LONRF3: variants seen among roughly 807,000 people sequenced by gnomAD.
The protein encoded by LONRF3 is LON peptidase N-terminal domain and ring finger 3, also known as LON peptidase N-terminal domain and RING finger protein 3.
A neutral mutation model predicts 51.7 loss-of-function variants in LONRF3; 19 were observed. That is an observed-to-expected ratio of 0.37 (90% CI 0.26 to 0.54). LONRF3 has a LOEUF of 0.54. Ranked by LOEUF, LONRF3 falls within the 20% of genes least tolerant of loss-of-function variation. The probability of loss-of-function intolerance (pLI) is 0.86; values close to 1 mark genes in which losing one functional copy is unlikely to be tolerated. For synonymous variants in LONRF3, 265 were observed against 257.8 expected, an observed-to-expected ratio of 1.03 and a Z score of -0.27; for missense variants, 521 against 623.9, an observed-to-expected ratio of 0.84 and a Z score of 1.76.
At chrX:118,983,036 C>A in intron 3 of LONRF3, 93 bp downstream of exon 3, 1 of 1,007,131 alleles carries the variant, frequency 9.9e-7, no homozygotes, top group Non-Finnish European at 1.4e-6. Context: ...TCCTCCTTGG[C>A]ATTTGGGGTC....
intron 2 of LONRF3, among the ~76,000 whole-genome samples, chrX:118,978,869 G>A (rs1361330696): frequency 9.0e-6 from 1 of 111,461 alleles, no homozygotes; most frequent in African/African-American, 3.3e-5. Flanking sequence ...GCTGTTGTGA[G>A]GATTACATAA....
In LONRF3 at chrX:118,974,754, C is replaced by CT. The variant is rs781404490; in HGVS notation, c.-26dup. ...CTTCGTGTCCCCGGTCCCTAGACGC[C>CT]TCGTCTCCTCCCGTGTCCCTCTTCC... On this transcript the variant is annotated 5_prime_UTR_variant, in exon 1 of 11. Transcript: ENST00000371628. The CT allele has an allele frequency of 1.9e-4, 213 of 1,142,734 alleles. No individual in the cohort carries two copies. In the African/African-American group the frequency reaches 3.6e-3, roughly 19 times the overall value. The allele number at this position is 1,142,734 out of a possible 1,213,427, so 94.2% of individuals were successfully genotyped here.
At chrX:118,990,904 C>T (rs781384606) in intron 5 of LONRF3, among the ~76,000 whole-genome samples, 2 of 111,124 alleles carry the variant, frequency 1.8e-5, no homozygotes, top group South Asian at 3.9e-4. Context: ...GTTGCCCAGG[C>T]TGGAGTGCAG....
At chrX:118,996,033 A>G in intron 5 of LONRF3, among the ~76,000 whole-genome samples, 1 of 112,271 alleles carries the variant, frequency 8.9e-6, no homozygotes, top group Non-Finnish European at 1.9e-5. Flanking sequence ...GGAAAGGACA[A>G]CCAAAAAAAG....
Position 119,017,784 on chromosome X carries a change from G to T in LONRF3, c.*94G>T. ...ATCTAATTGCAATAATATCTTAACA[G>T]AAGGGGGTGTCAAACAGAGGCATCA... On this transcript the variant is annotated 3_prime_UTR_variant, in exon 11 of 11. Coordinates refer to ENST00000371628, the MANE Select transcript of LONRF3 (RefSeq NM_001031855.3). 1.2e-6 allele frequency: 1 copy of T among 865,453 alleles called. No individual in the cohort carries two copies. 71.3% of individuals were successfully genotyped at this position (865,453 alleles called of 1,213,427 possible). A position where few individuals can be genotyped will look rare whatever the true frequency, so the allele number is the denominator to read the frequency against.
chrX:118,993,129 C>G (rs7054825), intron 5 of LONRF3, among the ~76,000 whole-genome samples: 1 of 108,551 alleles, frequency 9.2e-6, no homozygotes, highest in Non-Finnish European at 1.9e-5. Flanking sequence ...CACCCCCCCC[C>G]AAAAACCACA....
chrX:119,006,738 G>C (rs1437160997), intron 6 of LONRF3, among the ~76,000 whole-genome samples: 2 of 111,547 alleles, frequency 1.8e-5, no homozygotes, highest in African/African-American at 6.5e-5. Flanking sequence ...ACAGGCGCCC[G>C]CCACCACGCC....
At chrX:118,993,088 G>A (rs920692378) in intron 5 of LONRF3, among the ~76,000 whole-genome samples, 5 of 103,385 alleles carry the variant, frequency 4.8e-5, no homozygotes, top group East Asian at 2.9e-4. Flanking sequence ...AAAACCAACC[G>A]TGGTAATATG....
intron 5 of LONRF3, among the ~76,000 whole-genome samples, chrX:118,995,130 A>G (rs1056301923): frequency 3.6e-5 from 4 of 112,509 alleles, no homozygotes; most frequent in Non-Finnish European, 7.5e-5. Flanking sequence ...CTGAAATTAT[A>G]TCAAGTACTC....
rs753721828 is a variant in LONRF3, at chrX:118,981,209, G to C, written c.937-1612G>C. On this transcript the variant is annotated intron_variant, in intron 2 of 10. Coordinates refer to ENST00000371628, the MANE Select transcript of LONRF3 (RefSeq NM_001031855.3). ...CAGGTAGAGTATATGGGTTGGCCGG[G>C]CATGGTGGCTTACTCCTGTAATCCC... Among the ~76,000 whole-genome samples, 15 of 110,754 alleles carry C rather than the reference G, an allele frequency of 1.4e-4. 1 individual carries two copies. In the East Asian group the frequency reaches 4.0e-3, roughly 30 times the overall value.
chrX:118,975,354 T>C lies in LONRF3; in HGVS notation c.574T>C (p.Cys192Arg), dbSNP rs1228563974. 1 of 1,209,538 alleles carries C rather than the reference T, an allele frequency of 8.3e-7. No individual in the cohort carries two copies. Among genetic ancestry groups the C allele is most frequent in the Non-Finnish European group, 1.1e-6 (1 of 894,787 alleles). Residue 192 changes from cysteine (C) to arginine (R), a missense_variant, in exon 1 of 11, where the codon TGT (cysteine) becomes CGT (arginine). Physicochemically the swap from Cys to Arg is radical, Grantham distance 180 (BLOSUM62 -3). Coordinates refer to ENST00000371628, the MANE Select transcript of LONRF3 (RefSeq NM_001031855.3). ...ACGTGGGCGGGCCGCCGACCGGCGC[T>C]GTGCGCTGTGCGGGGTCAAGCTCTC... The part of the protein sequence containing the change: ...LERGRAADRR[C>R]ALCGVKLSAL...
chrX:119,012,236 A>G (rs980659896), intron 8 of LONRF3, among the ~76,000 whole-genome samples: 1 of 107,977 alleles, frequency 9.3e-6, no homozygotes, highest in African/African-American at 3.4e-5. Flanking sequence ...TTGGAGTCAA[A>G]CTGCCTGCTT....
intron 3 of LONRF3, among the ~76,000 whole-genome samples, chrX:118,988,729 T>A: frequency 9.0e-6 from 1 of 110,731 alleles, no homozygotes; most frequent in East Asian, 2.8e-4. Context: ...TTTTCAAATA[T>A]CCATCTCCTG....
chrX:118,994,025 T>C (rs1040996496), intron 5 of LONRF3, among the ~76,000 whole-genome samples: 2 of 111,978 alleles, frequency 1.8e-5, no homozygotes, highest in Non-Finnish European at 3.8e-5. Flanking sequence ...TAAAAGGAGC[T>C]CTAAATCTTG....
chrX:119,006,673 C>T (rs920120303), intron 6 of LONRF3, among the ~76,000 whole-genome samples: 6 of 111,482 alleles, frequency 5.4e-5, no homozygotes, highest in East Asian at 2.8e-4. Context: ...CTGCAAGCTC[C>T]GCCTCCCGGG....
At chrX:118,989,098 G>C (rs1485161667) in intron 3 of LONRF3, among the ~76,000 whole-genome samples, 1 of 110,976 alleles carries the variant, frequency 9.0e-6, no homozygotes, top group Non-Finnish European at 1.9e-5. Context: ...AAGGGGAACT[G>C]GTGCCTATCC....
At chrX:118,991,359 G>A (rs1923415729) in intron 5 of LONRF3, among the ~76,000 whole-genome samples, 1 of 105,514 alleles carries the variant, frequency 9.5e-6, no homozygotes, top group African/African-American at 3.6e-5. Context: ...ATGGGCAAGA[G>A]CTCAAAGTTC....
intron 3 of LONRF3, chrX:118,987,052 C>G: frequency 8.7e-7 from 1 of 1,153,498 alleles, no homozygotes; most frequent in Non-Finnish European, 1.1e-6. Flanking sequence ...ACTGAAGTTA[C>G]CAGCCATAAT....
At chrX:118,989,263 G>A (rs1195710113) in intron 3 of LONRF3, 145 bp from the exon 4 acceptor site, 10 of 628,796 alleles carry the variant, frequency 1.6e-5, no homozygotes, top group African/African-American at 1.3e-4. Flanking sequence ...GCCTTATGAC[G>A]GCCCCCAAGT....
Sources: gnomAD v4.1 joint callset for allele counts (sites outside exome capture counted in the v4.1 genomes callset) on GRCh38, gnomAD v4.1.1 for gene constraint, MANE v1.5 for transcripts, NCBI Gene and HGNC (gene_info 2026-07-23, HGNC 2026-07-21) for gene names.